The following SDK1 variants were observed in gnomAD, a reference collection of about 807,000 sequenced individuals.
The protein encoded by SDK1 is protein sidekick-1.
In SDK1, 157 loss-of-function variants were observed where a neutral mutation model predicts 245.5. The ratio of observed to expected loss-of-function variants is 0.64; its 90% CI spans 0.56 to 0.73. The LOEUF (loss-of-function observed/expected upper bound fraction) is 0.73. SDK1 is among the 30% of genes least tolerant of loss of function. The pLI is 0.00. For synonymous variants in SDK1, 1,647 were observed against 1,278.5 expected (o/e 1.29, Z -6.15); for missense variants, 3,583 against 3,002.3 (o/e 1.19, Z -4.52).
In SDK1 at chr7:3,992,803, CT is replaced by C. The variant is rs558353397; in HGVS notation, c.2131+5483del. Among the ~76,000 whole-genome samples, 8 of 152,262 alleles carry C rather than the reference CT, an allele frequency of 5.3e-5. 1 individual carries two copies. In the South Asian group the frequency reaches 1.7e-3, roughly 32 times the overall value. ...CGCGCTTTCCATCGTCTTTGGGCTACTTATCTCTGTAAATTGTAGAAATCTT... is the reference window on the plus strand; with the variant it reads ...CGCGCTTTCCATCGTCTTTGGGCTACTATCTCTGTAAATTGTAGAAATCTT... On this transcript the variant is annotated intron_variant, in intron 14 of 44. Transcript: ENST00000404826.
chr7:4,191,273 C>T (rs1562411195), intron 35 of SDK1, among the ~76,000 whole-genome samples: 1 of 152,204 alleles, frequency 6.6e-6, no homozygotes, highest in Non-Finnish European at 1.5e-5. Flanking sequence ...TGGGTGTCCT[C>T]CTGGCCCCCA....
intron 28 of SDK1, among the ~76,000 whole-genome samples, chr7:4,142,268 C>T (rs1181583024): frequency 5.3e-5 from 8 of 152,082 alleles, no homozygotes; most frequent in Non-Finnish European, 1.2e-4. Flanking sequence ...GATGCCTGAA[C>T]TTAACACTGG....
intron 1 of SDK1, among the ~76,000 whole-genome samples, chr7:3,552,192 C>G (rs1779440244): frequency 6.6e-6 from 1 of 152,112 alleles, no homozygotes; most frequent in Non-Finnish European, 1.5e-5. Context: ...CGCCCACCAC[C>G]AAGCCTGGCT....
chr7:4,265,277 G>T lies in SDK1; in HGVS notation c.6535G>T (p.Gly2179Cys), dbSNP rs1335333246. Residue 2179 changes from glycine (G) to cysteine (C), a missense_variant, in exon 45 of 45, where the codon GGC (glycine) becomes TGC (cysteine). By Grantham distance (159) the Gly-to-Cys change is radical (BLOSUM62 -3). Transcript: ENST00000404826. ...CGAGGCGGTGGCGGGCTCCGAGGCG[G>T]GCGCGCAGCTGCACCCGGTCATCAC... ...RYEAVAGSEA[G>C]AQLHPVITTQ... 1 of 1,590,514 alleles carries T rather than the reference G, an allele frequency of 6.3e-7. No homozygotes were observed. The highest frequency in any genetic ancestry group is 8.5e-7 in the Non-Finnish European group (1 of 1,174,476).
intron 11 of SDK1, 23 bp downstream of exon 11, chr7:3,969,447 C>T (rs762795195): frequency 7.3e-6 from 11 of 1,502,130 alleles, no homozygotes; most frequent in African/African-American, 4.2e-5. Flanking sequence ...CCTCGCACGT[C>T]GGCCTTCTGT....
intron 20 of SDK1, among the ~76,000 whole-genome samples, chr7:4,073,956 C>T (rs1451170644): frequency 7.2e-6 from 1 of 138,894 alleles, no homozygotes; most frequent in Non-Finnish European, 1.6e-5. Flanking sequence ...ATAGGCTGAG[C>T]ACTATGGGGT....
intron 1 of SDK1, among the ~76,000 whole-genome samples, chr7:3,482,621 C>G (rs1403604989): frequency 6.6e-6 from 1 of 152,146 alleles, no homozygotes; most frequent in East Asian, 1.9e-4. Flanking sequence ...ACAGGTCTTC[C>G]CTGCACATTC....
chr7:3,733,575 T>C (rs955023773), intron 4 of SDK1, among the ~76,000 whole-genome samples: 1 of 152,154 alleles, frequency 6.6e-6, no homozygotes, highest in Admixed American at 6.5e-5. Flanking sequence ...GAATCCCATG[T>C]TTAAGGTCTG....
intron 4 of SDK1, among the ~76,000 whole-genome samples, chr7:3,681,134 G>T (rs1423074379): frequency 6.6e-6 from 1 of 152,090 alleles, no homozygotes; most frequent in Non-Finnish European, 1.5e-5. Context: ...GAGCCACCGC[G>T]CCCGGCTGCC....
intron 1 of SDK1, among the ~76,000 whole-genome samples, chr7:3,533,985 A>AT (rs1359534817): frequency 6.6e-6 from 1 of 152,192 alleles, no homozygotes; most frequent in African/African-American, 2.4e-5. Context: ...TATAGGCACA[A>AT]TGCTGTATAG....
intron 1 of SDK1, among the ~76,000 whole-genome samples, chr7:3,605,455 T>G (rs574078832): frequency 1.4e-4 from 22 of 152,362 alleles, no homozygotes; most frequent in Admixed American, 9.8e-4. Context: ...CTCAGGCATG[T>G]AAGACCTTCC....
intron 5 of SDK1, among the ~76,000 whole-genome samples, chr7:3,915,258 G>T (rs966427925): frequency 6.6e-6 from 1 of 152,158 alleles, no homozygotes; most frequent in Admixed American, 6.5e-5. Context: ...GTGGCTAAAG[G>T]CCCTTGTTGG....
At position 3,357,376 on chromosome 7, in the gene SDK1, G is replaced by T. The variant is rs950940130; in HGVS notation, c.298+55492G>T. Among the ~76,000 whole-genome samples the T allele has an allele frequency of 4.5e-5, 4 of 89,278 alleles. No homozygotes were observed. The Admixed American group carries it at 5.2e-4, about 12-fold the overall frequency. The allele number at this position is 89,278 out of a possible 152,430, so 58.6% of individuals were successfully genotyped here. A position where few individuals can be genotyped will look rare whatever the true frequency, so the allele number is the denominator to read the frequency against. ...TTTTTTTTTTTTTTTTTGAGGCAGGGTCTCACTCTGTTGCCCAGGCTGGAG... is the reference window on the plus strand; with the variant it reads ...TTTTTTTTTTTTTTTTTGAGGCAGGTTCTCACTCTGTTGCCCAGGCTGGAG... On this transcript the variant is annotated intron_variant, in intron 1 of 44. Coordinates refer to ENST00000404826, the MANE Select transcript of SDK1 (RefSeq NM_152744.4).
chr7:3,587,224 G>C (rs1367366088), intron 1 of SDK1, among the ~76,000 whole-genome samples: 1 of 152,078 alleles, frequency 6.6e-6, no homozygotes, highest in Non-Finnish European at 1.5e-5. Context: ...AGAAATTGAG[G>C]GTCAGAGGGG....
intron 2 of SDK1, among the ~76,000 whole-genome samples, chr7:3,630,163 G>A (rs372703505): frequency 4.6e-5 from 7 of 152,198 alleles, no homozygotes; most frequent in African/African-American, 1.4e-4. Flanking sequence ...TAATAGATGT[G>A]TAGTTGGAAT....
At chr7:3,639,971 C>T (rs536570571) in intron 3 of SDK1, among the ~76,000 whole-genome samples, 8 of 152,078 alleles carry the variant, frequency 5.3e-5, no homozygotes, top group Admixed American at 3.9e-4. Flanking sequence ...CTCAGCCTCC[C>T]GAGTAGCTAG....
chr7:4,247,341 G>C (rs991914290), intron 44 of SDK1, among the ~76,000 whole-genome samples: 1 of 152,182 alleles, frequency 6.6e-6, no homozygotes, highest in Non-Finnish European at 1.5e-5. Context: ...TGCCGGGTTT[G>C]CTGTCCGCAC....
intron 22 of SDK1, among the ~76,000 whole-genome samples, chr7:4,102,169 A>C (rs565989740): frequency 8.6e-5 from 13 of 152,020 alleles, no homozygotes; most frequent in African/African-American, 2.9e-4. Context: ...GAGGTGTGCA[A>C]ACTCTGCGAT....
intron 2 of SDK1, among the ~76,000 whole-genome samples, chr7:3,628,345 A>G (rs1157191078): frequency 1.3e-5 from 2 of 151,762 alleles, no homozygotes; most frequent in African/African-American, 2.4e-5. Context: ...TATATACAAA[A>G]TATATATATT....
Sources: allele counts gnomAD v4.1 joint callset (sites outside exome capture counted in the v4.1 genomes callset), GRCh38; gene constraint gnomAD v4.1.1; transcripts MANE v1.5; gene names NCBI Gene and HGNC (gene_info 2026-07-23, HGNC 2026-07-21).